Variants in SYK observed in about 807,000 individuals in gnomAD.
SYK encodes the protein spleen associated tyrosine kinase.
Under a neutral mutation model 77.8 loss-of-function variants are expected in SYK, and 16 were observed. The observed-to-expected ratio is 0.21, with a 90% CI of 0.14 to 0.31. The LOEUF is 0.31. Among genes scored for constraint, SYK ranks in the 10% least tolerant of loss-of-function variants. The pLI is 1.00. For synonymous variants in SYK, 312 were observed against 308.7 expected (o/e 1.01, Z -0.11); for missense variants, 529 against 814.4 (o/e 0.65, Z 4.26).
chr9:90,824,654 T>C (rs74414691), intron 1 of SYK, among the ~76,000 whole-genome samples: 14,424 of 151,944 alleles, frequency 0.095, 948 homozygotes, highest in Admixed American at 0.22. Context: ...GAAAGGGCAT[T>C]TGACAAACTC....
intron 3 of SYK, among the ~76,000 whole-genome samples, chr9:90,851,167 A>C (rs1300881657): frequency 6.6e-6 from 1 of 152,200 alleles, no homozygotes; most frequent in African/African-American, 2.4e-5. Context: ...CAGAAACAGC[A>C]GCCAGCAACC....
chr9:90,809,747 G>A lies in SYK; in HGVS notation c.-42+7854G>A, dbSNP rs567932914. 1.6e-4 allele frequency among the ~76,000 whole-genome samples: 24 copies of A among 152,232 alleles called. No individual in the cohort carries two copies. The South Asian group carries it at 2.7e-3, about 17-fold the overall frequency. Reference sequence around the variant, plus strand: ...TAGAGCCTCGTGGAAAGTGAGTGCCGAGCCCCTAGCTGTGAGTGTCTCTGT... The same window carrying A: ...TAGAGCCTCGTGGAAAGTGAGTGCCAAGCCCCTAGCTGTGAGTGTCTCTGT... On this transcript the variant is annotated intron_variant, in intron 1 of 13. Coordinates refer to ENST00000375754, the MANE Select transcript of SYK (RefSeq NM_003177.7).
chr9:90,848,402 GC>G (rs1245333839), intron 3 of SYK, among the ~76,000 whole-genome samples: 2 of 152,202 alleles, frequency 1.3e-5, no homozygotes, highest in African/African-American at 2.4e-5. Flanking sequence ...GTTGGGTCAG[GC>G]CAACGTTGCA....
intron 3 of SYK, among the ~76,000 whole-genome samples, chr9:90,861,383 AC>A (rs981496865): frequency 6.6e-6 from 1 of 152,194 alleles, no homozygotes; most frequent in African/African-American, 2.4e-5. Flanking sequence ...CACGGCCAGC[AC>A]AGCTCTGGTT....
chr9:90,812,778 T>TGTGTGTGA (rs1448424766), intron 1 of SYK, among the ~76,000 whole-genome samples: 3 of 135,862 alleles, frequency 2.2e-5, no homozygotes, highest in African/African-American at 9.0e-5. Context: ...TGTGTGTGTG[T>TGTGTGTGA]GAGAGAGAGA....
At chr9:90,887,405 CTT>C (rs3056951) in intron 11 of SYK, among the ~76,000 whole-genome samples, 10 of 128,916 alleles carry the variant, frequency 7.8e-5, no homozygotes, top group Non-Finnish European at 9.5e-5. Flanking sequence ...TTCTTTCTTT[CTT>C]TTTTTTTTTT....
rs527767950 is a variant in SYK, at chr9:90,836,361, A to G, written c.-41-7497A>G. 3.3e-5 allele frequency among the ~76,000 whole-genome samples: 5 copies of G among 152,238 alleles called. No homozygotes were observed. In the East Asian group the frequency reaches 9.6e-4, roughly 29 times the overall value. The stretch of plus-strand genomic sequence containing the variant: ...CAAAATATATGTAGTCTATTTTTTC[A>G]TTTACTACCATAAAATGTGTACAAC... On this transcript the variant is annotated intron_variant, in intron 1 of 13. Transcript: ENST00000375754.
At chr9:90,823,429 A>G (rs975274650) in intron 1 of SYK, among the ~76,000 whole-genome samples, 7 of 152,256 alleles carry the variant, frequency 4.6e-5, no homozygotes, top group African/African-American at 1.7e-4. Context: ...ATTCCATTCA[A>G]CAACAGAAAA....
chr9:90,894,311 G>A (rs969097930), intron 13 of SYK, among the ~76,000 whole-genome samples: 5 of 152,314 alleles, frequency 3.3e-5, no homozygotes, highest in Admixed American at 1.3e-4. Flanking sequence ...CACACTTGGT[G>A]GCCAGAGACA....
In SYK at chr9:90,897,520, G is replaced by C. The variant is rs199714639; in HGVS notation, c.*1920G>C. 1 of 232,154 alleles carries C rather than the reference G, an allele frequency of 4.3e-6. No individual in the cohort carries two copies. The highest frequency in any genetic ancestry group is 8.5e-6 in the Non-Finnish European group (1 of 117,332). The allele number at this position is 232,154 out of a possible 1,614,324, so 14.4% of individuals were successfully genotyped here. ...AAGAGGCTGTGAGGCTGAACTCTTG[G>C]TGGCTTCCTTCTGTAACTTCCAGAG... is the stretch of plus-strand genomic sequence containing the variant. On this transcript the variant is annotated 3_prime_UTR_variant, in exon 14 of 14. Transcript: ENST00000375754.
At chr9:90,870,706 G>A (rs1198160027) in intron 7 of SYK, among the ~76,000 whole-genome samples, 3 of 152,142 alleles carry the variant, frequency 2.0e-5, no homozygotes, top group African/African-American at 7.2e-5. Flanking sequence ...GTCTGCCCTC[G>A]CCTGTGGGGG....
intron 3 of SYK, among the ~76,000 whole-genome samples, chr9:90,851,466 C>T (rs1468673480): frequency 2.0e-5 from 3 of 152,150 alleles, no homozygotes; most frequent in Non-Finnish European, 1.5e-5. Context: ...CCCTCACAGC[C>T]GCCTGTGGCA....
chr9:90,857,592 G>A (rs558714222), intron 3 of SYK, among the ~76,000 whole-genome samples: 66 of 152,302 alleles, frequency 4.3e-4, no homozygotes, highest in African/African-American at 1.4e-3. Flanking sequence ...GTGCTATGGC[G>A]CAAGGCAGAA....
chr9:90,884,934 CATATGTGTATATATATACACACAT>C (rs1828499016), intron 11 of SYK, among the ~76,000 whole-genome samples: 2 of 33,166 alleles, frequency 6.0e-5, no homozygotes, highest in Non-Finnish European at 1.2e-4. Flanking sequence ...TACATATGCA[CATATGTGTATATATATACACACAT>C]ATATGTGTAT....
At chr9:90,845,719 A>G in intron 3 of SYK, 125 bp downstream of exon 3, 5 of 1,102,462 alleles carry the variant, frequency 4.5e-6, no homozygotes, top group Non-Finnish European at 5.2e-6. Flanking sequence ...GCCATTTGAC[A>G]ACATGCATGC....
intron 1 of SYK, among the ~76,000 whole-genome samples, chr9:90,821,086 T>A (rs564313766): frequency 5.3e-5 from 8 of 152,200 alleles, no homozygotes; most frequent in Non-Finnish European, 1.0e-4. Context: ...CATCTCCATC[T>A]GAGACTGCCT....
At chr9:90,890,260 G>C (rs976944576) in intron 13 of SYK, among the ~76,000 whole-genome samples, 1 of 152,172 alleles carries the variant, frequency 6.6e-6, no homozygotes, top group Non-Finnish European at 1.5e-5. Context: ...TGGGCTCGTG[G>C]TGTATTCTTG....
At chr9:90,812,449 G>T (rs1005518762) in intron 1 of SYK, among the ~76,000 whole-genome samples, 1 of 152,152 alleles carries the variant, frequency 6.6e-6, no homozygotes, top group Non-Finnish European at 1.5e-5. Context: ...TGTCACTCAG[G>T]TCCTGAAGCC....
Position 90,895,599 on chromosome 9 carries a change from A to G in SYK, c.1907A>G (p.Ter636=). The change falls in exon 14 of 14, where the codon TAA becomes TGA. Residue 636 remains the stop codon, a stop_retained_variant. Coordinates refer to ENST00000375754, the MANE Select transcript of SYK (RefSeq NM_003177.7). This position sits in a 1 kb window ranked among gnomAD's most constrained non-coding sequence, Gnocchi z 4.4. ...LRNYYYDVVN[*] ...AATTACTACTATGACGTGGTGAACT[A>G]ACCGCTCCCGCACCTGTCGGTGGCT... 4 of 1,614,032 alleles carry G rather than the reference A, an allele frequency of 2.5e-6. No individual in the cohort carries two copies. The highest frequency in any genetic ancestry group is 1.3e-5 in the African/African-American group (1 of 75,072).
Sources: allele counts gnomAD v4.1 joint callset (sites outside exome capture counted in the v4.1 genomes callset), GRCh38; gene constraint gnomAD v4.1.1; non-coding constraint Gnocchi (gnomAD v3.1); transcripts MANE v1.5; gene names NCBI Gene and HGNC (gene_info 2026-07-23, HGNC 2026-07-21).